DPP10: variants seen among roughly 807,000 people sequenced by gnomAD.
DPP10 encodes inactive dipeptidyl peptidase 10.
A neutral mutation model predicts 120.9 loss-of-function variants in DPP10; 33 were observed. The observed-to-expected ratio is 0.27, with a 90% CI of 0.21 to 0.37. The LOEUF (loss-of-function observed/expected upper bound fraction) is 0.37, where lower values mean the gene tolerates loss of function less well. Among genes scored for constraint, DPP10 ranks in the 10% least tolerant of loss-of-function variants. DPP10 has a pLI of 1.00. For missense variants in DPP10, 816 were observed against 942.8 expected, an observed-to-expected ratio of 0.87 and a Z score of 1.76; for synonymous variants, 337 against 326.1, an observed-to-expected ratio of 1.03 and a Z score of -0.36.
At chr2:114,799,827 G>A (rs1368786445) in intron 1 of DPP10, among the ~76,000 whole-genome samples, 1 of 152,186 alleles carries the variant, frequency 6.6e-6, no homozygotes, top group Non-Finnish European at 1.5e-5. Context: ...GAAGAGGAGT[G>A]AATGAAGAGT....
At chr2:115,504,735 C>T (rs2076857308) in intron 4 of DPP10, among the ~76,000 whole-genome samples, 1 of 152,034 alleles carries the variant, frequency 6.6e-6, no homozygotes, top group Non-Finnish European at 1.5e-5. Context: ...CTACCATAGA[C>T]ATTTAGGCTC....
chr2:114,612,055 C>T (rs1201456374), intron 1 of DPP10, among the ~76,000 whole-genome samples: 2 of 152,194 alleles, frequency 1.3e-5, no homozygotes, highest in Non-Finnish European at 2.9e-5. Flanking sequence ...CACATATACT[C>T]ACACAATTCC....
intron 5 of DPP10, among the ~76,000 whole-genome samples, chr2:115,539,333 T>C (rs951643413): frequency 6.6e-6 from 1 of 152,010 alleles, no homozygotes; most frequent in African/African-American, 2.4e-5. Flanking sequence ...GGGCCCTTGA[T>C]ATGAAATGGT....
intron 1 of DPP10, among the ~76,000 whole-genome samples, chr2:114,614,991 G>A (rs1031983221): frequency 1.3e-4 from 20 of 152,066 alleles, no homozygotes; most frequent in Admixed American, 1.2e-3. Context: ...GCAATTTAAG[G>A]CAAACTAACA....
chr2:114,563,884 C>T (rs1688968063), intron 1 of DPP10, among the ~76,000 whole-genome samples: 1 of 152,196 alleles, frequency 6.6e-6, no homozygotes. Flanking sequence ...TACACCATCT[C>T]TCTGTCCTCT....
At chr2:114,558,763 G>A (rs1688522462) in intron 1 of DPP10, among the ~76,000 whole-genome samples, 1 of 152,144 alleles carries the variant, frequency 6.6e-6, no homozygotes, top group Non-Finnish European at 1.5e-5. Context: ...TAAGACTTTT[G>A]TTGACTTCTT....
At chr2:114,631,899 T>C (rs571048045) in intron 1 of DPP10, among the ~76,000 whole-genome samples, 2 of 152,336 alleles carry the variant, frequency 1.3e-5, no homozygotes, top group Admixed American at 6.5e-5. Flanking sequence ...GTATCTAATC[T>C]GGTTCTAATT....
chr2:115,758,636 A>C (rs1679726514), intron 11 of DPP10, among the ~76,000 whole-genome samples: 1 of 152,136 alleles, frequency 6.6e-6, no homozygotes, highest in African/African-American at 2.4e-5. Flanking sequence ...ATACCTGAAC[A>C]AGTCAAAGTA....
chr2:114,834,497 CTACGCACCTATGTATATATA>C (rs1166795065), intron 1 of DPP10, among the ~76,000 whole-genome samples: 23 of 150,854 alleles, frequency 1.5e-4, no homozygotes, highest in African/African-American at 5.7e-4. Context: ...TAAGCCATAT[CTACGCACCTATGTATATATA>C]AGACATATCT....
At chr2:115,162,016 G>A (rs1041967857) in intron 1 of DPP10, 150 of 1,386,050 alleles carry the variant, frequency 1.1e-4, no homozygotes, top group Non-Finnish European at 1.3e-4. Context: ...GCCAGGCGCA[G>A]CCGGCGGACC....
chr2:115,753,387 A>G, intron 11 of DPP10, 90 bp downstream of exon 11: 1 of 1,276,316 alleles, frequency 7.8e-7, no homozygotes, highest in Non-Finnish European at 1.0e-6. Context: ...TGTACAAAAA[A>G]AATTCAGTGT....
chr2:115,068,619 A>G (rs540752873), intron 1 of DPP10, among the ~76,000 whole-genome samples: 18 of 151,990 alleles, frequency 1.2e-4, no homozygotes, highest in Middle Eastern at 3.4e-3. Context: ...TGCTTTGGGG[A>G]TCATATCCAA....
chr2:114,896,318 A>C (rs553143445), intron 1 of DPP10, among the ~76,000 whole-genome samples: 37 of 152,254 alleles, frequency 2.4e-4, no homozygotes, highest in African/African-American at 7.0e-4. Context: ...TATAAATTAC[A>C]TTGGGAAGTA....
chr2:115,043,660 G>T (rs1277171313), intron 1 of DPP10, among the ~76,000 whole-genome samples: 1 of 152,040 alleles, frequency 6.6e-6, no homozygotes, highest in African/African-American at 2.4e-5. Flanking sequence ...GGTTACATCA[G>T]TACTCACTAG....
At chr2:114,657,316 A>T (rs920322141) in intron 1 of DPP10, among the ~76,000 whole-genome samples, 41 of 152,176 alleles carry the variant, frequency 2.7e-4, no homozygotes, top group African/African-American at 9.9e-4. Flanking sequence ...CTCAAGCTTG[A>T]ATAACCAGAA....
chr2:115,011,195 G>T (rs1702237716), intron 1 of DPP10, among the ~76,000 whole-genome samples: 1 of 152,184 alleles, frequency 6.6e-6, no homozygotes, highest in Non-Finnish European at 1.5e-5. Flanking sequence ...TTGTGGCTTA[G>T]AATATGGTCT....
intron 1 of DPP10, among the ~76,000 whole-genome samples, chr2:114,820,203 A>AC (rs769857915): frequency 1.3e-5 from 2 of 152,164 alleles, no homozygotes; most frequent in African/African-American, 4.8e-5. Flanking sequence ...CTCTGATGTA[A>AC]CCTCAACAAC....
chr2:115,114,702 A>G (rs2049408975), intron 1 of DPP10, among the ~76,000 whole-genome samples: 1 of 152,196 alleles, frequency 6.6e-6, no homozygotes, highest in Non-Finnish European at 1.5e-5. Flanking sequence ...TAACATTGAA[A>G]AATGTCCAAT....
At chr2:114,737,275 C>T (rs1574072661) in intron 1 of DPP10, among the ~76,000 whole-genome samples, 1 of 152,286 alleles carries the variant, frequency 6.6e-6, no homozygotes, top group East Asian at 1.9e-4. Context: ...CTCTCCTGAG[C>T]TAGGTAGAAG....
Sources: gnomAD v4.1 joint callset for allele counts (sites outside exome capture counted in the v4.1 genomes callset) on GRCh38, gnomAD v4.1.1 for gene constraint, MANE v1.5 for transcripts, NCBI Gene and HGNC (gene_info 2026-07-23, HGNC 2026-07-21) for gene names.